The following ZGRF1 variants were observed in gnomAD, a reference collection of about 807,000 sequenced individuals.
ZGRF1 encodes 5'-3' DNA helicase ZGRF1.
ZGRF1 carries 196 observed loss-of-function variants against 203.5 expected under a neutral mutation model. The observed-to-expected ratio is 0.96, with a 90% CI of 0.86 to 1.08. The LOEUF (loss-of-function observed/expected upper bound fraction) is 1.08, where lower values mean the gene tolerates loss of function less well. ZGRF1 is among the 50% of genes least tolerant of loss of function. ZGRF1 has a pLI of 0.00. For synonymous variants in ZGRF1, 809 were observed against 841.3 expected (o/e 0.96, Z 0.66); for missense variants, 2,326 against 2,416.3 (o/e 0.96, Z 0.78).
At chr4:112,601,941 AC>A (rs1407739406) in intron 10 of ZGRF1, among the ~76,000 whole-genome samples, 1 of 152,206 alleles carries the variant, frequency 6.6e-6, no homozygotes, top group Admixed American at 6.5e-5. Flanking sequence ...ATGGTGGCTC[AC>A]GCCTGTAATC....
At chr4:112,604,700 C>G (rs1750511350) in intron 9 of ZGRF1, among the ~76,000 whole-genome samples, 1 of 152,186 alleles carries the variant, frequency 6.6e-6, no homozygotes, top group South Asian at 2.1e-4. Flanking sequence ...GAGCAAAAGC[C>G]TAAGAGTGTG....
chr4:112,588,034 G>T, intron 11 of ZGRF1, 105 bp from the exon 12 acceptor site: 1 of 544,932 alleles, frequency 1.8e-6, no homozygotes, highest in Non-Finnish European at 2.8e-6. Flanking sequence ...AACTTGCTCT[G>T]AAAAAAAAAA....
chr4:112,619,711 GT>G, intron 5 of ZGRF1, 21 bp from the exon 6 acceptor site: 1 of 1,532,758 alleles, frequency 6.5e-7, no homozygotes, highest in Non-Finnish European at 8.8e-7. Flanking sequence ...TAAAATAACT[GT>G]TAGGTGTACC....
At chr4:112,543,814 T>C (rs1738197763) in intron 24 of ZGRF1, among the ~76,000 whole-genome samples, 1 of 152,166 alleles carries the variant, frequency 6.6e-6, no homozygotes, top group Admixed American at 6.5e-5. Context: ...CTATATTACC[T>C]ATTCAAAAAT....
At chr4:112,539,712 G>A in intron 27 of ZGRF1, 23 bp from the exon 28 acceptor site, 1 of 1,584,502 alleles carries the variant, frequency 6.3e-7, no homozygotes, top group Non-Finnish European at 8.6e-7. Flanking sequence ...TACGACATGA[G>A]ACAACTATTC....
chr4:112,613,402 T>C (rs2046759578), intron 6 of ZGRF1, among the ~76,000 whole-genome samples: 1 of 152,120 alleles, frequency 6.6e-6, no homozygotes, highest in South Asian at 2.1e-4. Context: ...ACTCAACAAT[T>C]ATTTTCCAAG....
chr4:112,634,109 A>C (rs1047580856), intron 1 of ZGRF1, among the ~76,000 whole-genome samples: 1 of 152,250 alleles, frequency 6.6e-6, no homozygotes, highest in African/African-American at 2.4e-5. Context: ...CATATTATTT[A>C]TAAGTTACAT....
chr4:112,547,470 T>C, intron 23 of ZGRF1, 62 bp from the exon 24 acceptor site: 9 of 1,480,302 alleles, frequency 6.1e-6, no homozygotes, highest in African/African-American at 1.4e-5. Context: ...CATCATTTAT[T>C]GCACTGTTTG....
intron 10 of ZGRF1, among the ~76,000 whole-genome samples, chr4:112,591,953 G>C (rs560469490): frequency 6.6e-6 from 1 of 152,226 alleles, no homozygotes; most frequent in South Asian, 2.1e-4. Flanking sequence ...TTATTCACAA[G>C]CCTATCTCTA....
chr4:112,620,933 G>A (rs1189994904), intron 4 of ZGRF1, among the ~76,000 whole-genome samples: 1 of 151,950 alleles, frequency 6.6e-6, no homozygotes, highest in Non-Finnish European at 1.5e-5. Context: ...TTGAAAGGCT[G>A]AGGTGGAAGG....
chr4:112,545,814 G>A (rs1314628025), intron 24 of ZGRF1, among the ~76,000 whole-genome samples: 13 of 152,014 alleles, frequency 8.6e-5, no homozygotes. Flanking sequence ...ATGCTACAAG[G>A]ATGAACTCTA....
rs184002826 is a variant in ZGRF1 at position 112,603,202 on chromosome 4, G to A, written c.2976+322C>T. ...TCAGTGTCATATTTAAAGAGAGAAG[G>A]GAAATATCAGAAGAAAAAAAATCTA... On this transcript the variant is annotated intron_variant, in intron 10 of 27. Coordinates refer to ENST00000505019, the MANE Select transcript of ZGRF1 (RefSeq NM_018392.5). Among the ~76,000 whole-genome samples, 710 of 152,098 alleles carry A rather than the reference G, an allele frequency of 4.7e-3. 2 individuals carry two copies. Among genetic ancestry groups the A allele is most frequent in the Non-Finnish European group, 7.4e-3 (505 of 67,976 alleles).
intron 19 of ZGRF1, among the ~76,000 whole-genome samples, chr4:112,559,788 G>A (rs1052952303): frequency 2.6e-5 from 4 of 152,110 alleles, no homozygotes; most frequent in Admixed American, 2.0e-4. Flanking sequence ...GCTAACAAAT[G>A]ATACAGTCAG....
At chr4:112,611,622 T>C (rs779276335) in intron 7 of ZGRF1, among the ~76,000 whole-genome samples, 3 of 152,186 alleles carry the variant, frequency 2.0e-5, no homozygotes, top group Non-Finnish European at 4.4e-5. Flanking sequence ...ATAACTACCA[T>C]GGTTCCCAAA....
chr4:112,549,214 T>C (rs1366947803), intron 22 of ZGRF1, among the ~76,000 whole-genome samples: 1 of 152,168 alleles, frequency 6.6e-6, no homozygotes, highest in Non-Finnish European at 1.5e-5. Flanking sequence ...AGTTACACAT[T>C]ATAGCAGCAT....
intron 10 of ZGRF1, among the ~76,000 whole-genome samples, chr4:112,600,083 G>A (rs560371233): frequency 3.3e-5 from 5 of 152,222 alleles, no homozygotes; most frequent in Admixed American, 2.6e-4. Context: ...CTGTCACCCA[G>A]TGTGGTGGCA....
At chr4:112,557,495 C>T (rs919781343) in intron 20 of ZGRF1, among the ~76,000 whole-genome samples, 20 of 152,126 alleles carry the variant, frequency 1.3e-4, no homozygotes, top group South Asian at 2.1e-4. Flanking sequence ...CTACTTCTAA[C>T]GTAACAGACC....
At chr4:112,551,394 C>T (rs1739930557) in intron 22 of ZGRF1, among the ~76,000 whole-genome samples, 3 of 152,178 alleles carry the variant, frequency 2.0e-5, no homozygotes, top group Admixed American at 6.6e-5. Context: ...TATAAAATTA[C>T]ACTTCTTGAT....
chr4:112,587,659 C>T lies in ZGRF1; in HGVS notation c.3398G>A (p.Gly1133Glu), dbSNP rs762651634. The T allele has an allele frequency of 1.2e-6, 2 of 1,613,558 alleles. No individual in the cohort carries two copies. The highest frequency in any genetic ancestry group is 3.3e-5 in the Admixed American group (2 of 59,894). ...FSEESREVNP[G>E]DVSLNNISTQ... ...AGATATATTATTAAGTGAAACATCC[C>T]CTGGATTCACTTCCCTAGATTCTTC... The change falls in exon 12 of 28, where the codon GGG becomes GAG. Residue 1133 changes from glycine (G) to glutamate (E), a missense_variant. Gly to Glu is a moderately conservative substitution (Grantham distance 98, BLOSUM62 -2). Coordinates refer to ENST00000505019, the MANE Select transcript of ZGRF1 (RefSeq NM_018392.5).
Sources: allele counts gnomAD v4.1 joint callset (sites outside exome capture counted in the v4.1 genomes callset), GRCh38; gene constraint gnomAD v4.1.1; transcripts MANE v1.5; gene names NCBI Gene and HGNC (gene_info 2026-07-23, HGNC 2026-07-21).